Variants in PIAS3 observed in about 807,000 individuals in gnomAD.
The protein encoded by PIAS3 is protein inhibitor of activated STAT 3, also known as E3 SUMO-protein ligase PIAS3.
Under a neutral mutation model 67.6 loss-of-function variants are expected in PIAS3, and 34 were observed. The ratio of observed to expected loss-of-function variants is 0.50; its 90% CI spans 0.38 to 0.67. PIAS3 has a LOEUF of 0.67. Ranked by LOEUF, PIAS3 falls within the 30% of genes least tolerant of loss-of-function variation. PIAS3 has a pLI of 0.00. For missense variants in PIAS3, 693 were observed against 791.6 expected (o/e 0.88, Z 1.49); for synonymous variants, 341 against 313.8 (o/e 1.09, Z -0.92).
In PIAS3 at chr1:145,850,546, T is replaced by A; in HGVS notation, c.1489A>T (p.Ser497Cys). Residue 497 changes from serine (S) to cysteine (C), a missense_variant, in exon 12 of 14, where the codon AGC (serine) becomes TGC (cysteine). Ser to Cys is a moderately radical substitution (Grantham distance 112, BLOSUM62 -1). Transcript: ENST00000393045. ...CCACCCAACGTGCCCATAGCAGGGC[T>A]CCTTAGCACCGAGGATGGCTGGTGG... is the stretch of plus-strand genomic sequence containing the variant. ...SGHQPSSVLR[S>C]PAMGTLGGDF... The A allele has an allele frequency of 6.2e-7, 1 of 1,614,174 alleles. No individual in the cohort carries two copies. Among genetic ancestry groups the A allele is most frequent in the Non-Finnish European group, 8.5e-7 (1 of 1,180,028 alleles).
intron 5 of PIAS3, among the ~76,000 whole-genome samples, chr1:145,855,137 T>G (rs1014587137): frequency 6.6e-6 from 1 of 152,158 alleles, no homozygotes; most frequent in Admixed American, 6.5e-5. Context: ...ACTGAGTCCC[T>G]GAGGAGGAGG....
In PIAS3 at chr1:145,856,741, G is replaced by A. The variant is rs782702257; in HGVS notation, c.290C>T (p.Pro97Leu). 3.5e-5 allele frequency: 56 copies of A among 1,613,962 alleles called. No homozygotes were observed. Among genetic ancestry groups the A allele is most frequent in the Admixed American group, 3.3e-5 (2 of 59,996 alleles). ...VGSPGPLAPI[P>L]PTLLAPGTLL... ...GGTGCCAGGGGCCAACAGCGTTGGG[G>A]GAATGGGAGCTAGAGGACCAGGGGA... The change falls in exon 2 of 14, where the codon CCC becomes CTC. Residue 97 changes from proline to leucine, a missense_variant. Pro to Leu is a moderately conservative substitution (Grantham distance 98). Coordinates refer to ENST00000393045, the MANE Select transcript of PIAS3 (RefSeq NM_006099.3).
intron 10 of PIAS3, 36 bp downstream of exon 10, chr1:145,850,984 A>C (rs782721487): frequency 1.9e-6 from 3 of 1,614,140 alleles, no homozygotes; most frequent in Non-Finnish European, 2.5e-6. Context: ...AGGCCATCCA[A>C]GATTTAGCTT....
intron 1 of PIAS3, among the ~76,000 whole-genome samples, chr1:145,857,641 C>A (rs918748034): frequency 6.6e-6 from 1 of 152,200 alleles, no homozygotes; most frequent in Admixed American, 6.5e-5. Context: ...CAGATCCTTT[C>A]TTGGAATCGT....
chr1:145,852,553 C>A (rs201255416), intron 9 of PIAS3, among the ~76,000 whole-genome samples: 1 of 138,146 alleles, frequency 7.2e-6, no homozygotes, highest in Non-Finnish European at 1.6e-5. Context: ...TTTTTTTTTT[C>A]TTTTTTTTTT....
chr1:145,851,394 G>A (rs1044236950), intron 9 of PIAS3: 7 of 458,472 alleles, frequency 1.5e-5, no homozygotes, highest in Non-Finnish European at 2.8e-5. Context: ...AGTGGCTCAC[G>A]CCTTTAATCC....
rs1553733674 is a variant in PIAS3 at position 145,849,703 on chromosome 1, G to A, written c.1630C>T (p.Pro544Ser). Residue 544 changes from proline to serine, a missense_variant, in exon 14 of 14, where the codon CCC (proline) becomes TCC (serine). Pro to Ser is a moderately conservative substitution (Grantham distance 74, BLOSUM62 -1). This residue lies in a region of PIAS3 where 270 missense variants were observed against 261.0 expected (regional missense o/e 1.03). Transcript: ENST00000393045. ...TCATCTAGTGAGGTGATGACAGAGG[G>A]GCCATAGTGCTAGGAAGAATCAAGG... The part of the protein sequence containing the change: ...FLQTESQHYG[P>S]SVITSLDEQD... 1.9e-6 allele frequency: 3 copies of A among 1,600,432 alleles called. No homozygotes were observed. The highest frequency in any genetic ancestry group is 1.7e-4 in the Middle Eastern group (1 of 5,988).
Position 145,856,949 on chromosome 1 carries a change from G to A in PIAS3, c.82C>T (p.Arg28Trp), listed in dbSNP as rs142721064. The change falls in exon 2 of 14, where the codon CGG becomes TGG. Residue 28 changes from arginine to tryptophan, a missense_variant. Physicochemically the swap from Arg to Trp is moderately radical, Grantham distance 101. Coordinates refer to ENST00000393045, the MANE Select transcript of PIAS3 (RefSeq NM_006099.3). Reference sequence around the variant, plus strand: ...TCGTGCTTCCGTCCACTCTTGTTCCGGCCAGCAAAGCCAAGAAGCACCTGG... The same window carrying A: ...TCGTGCTTCCGTCCACTCTTGTTCCAGCCAGCAAAGCCAAGAAGCACCTGG... The part of the protein sequence containing the change: ...ELQVLLGFAG[R>W]NKSGRKHELL... 7.4e-5 allele frequency: 120 copies of A among 1,613,978 alleles called. No individual in the cohort carries two copies. The highest frequency in any genetic ancestry group is 8.6e-5 in the Non-Finnish European group (102 of 1,179,988).
rs1043698388 is a variant in PIAS3 at position 145,851,135 on chromosome 1, A to G, written c.1164T>C (p.Leu388=). Residue 388 remains leucine (L), a synonymous_variant, in exon 10 of 14, where the codon CTT becomes CTC. Coordinates refer to ENST00000393045, the MANE Select transcript of PIAS3 (RefSeq NM_006099.3). The part of the protein sequence containing the change: ...LIIDGLFMEI[L]SSCSDCDEIQ... ...TCTCATCACAATCTGAACAGGAACT[A>G]AGAATCTCCATAAATAAACTGGGGG... 1 of 1,614,168 alleles carries G rather than the reference A, an allele frequency of 6.2e-7. No homozygotes were observed. Among genetic ancestry groups the G allele is most frequent in the Non-Finnish European group, 8.5e-7 (1 of 1,179,990 alleles).
In PIAS3 at chr1:145,849,615, A is replaced by C. The variant is rs200360416; in HGVS notation, c.1718T>G (p.Leu573Arg). 1 of 1,613,434 alleles carries C rather than the reference A, an allele frequency of 6.2e-7. No homozygotes were observed. The highest frequency in any genetic ancestry group is 2.2e-5 in the East Asian group (1 of 44,812). Reference protein sequence around the residue: ...RGTPSHFLGPLAPTLGSSHCS... With the variant: ...RGTPSHFLGPRAPTLGSSHCS... ...GTGGGAGCTCCCCAGCGTGGGGGCC[A>C]GTGGGCCCAGAAAGTGAGAAGGGGT... The change falls in exon 14 of 14, where the codon CTG becomes CGG. Residue 573 changes from leucine (L) to arginine (R), a missense_variant. Transcript: ENST00000393045.
intron 9 of PIAS3, among the ~76,000 whole-genome samples, chr1:145,851,911 G>T (rs1652978870): frequency 1.4e-5 from 2 of 147,788 alleles, no homozygotes; most frequent in South Asian, 2.1e-4. Context: ...GAGATCACGA[G>T]ACTGTGCCAT....
At chr1:145,855,956 G>T in intron 4 of PIAS3, 112 bp downstream of exon 4, 1 of 1,057,738 alleles carries the variant, frequency 9.5e-7, no homozygotes, top group Non-Finnish European at 1.5e-6. Flanking sequence ...AGAGTCGCAG[G>T]GCTGCAGTAG....
intron 2 of PIAS3, 62 bp from the exon 3 acceptor site, chr1:145,856,493 C>G (rs782140788): frequency 1.3e-6 from 2 of 1,598,450 alleles, no homozygotes; most frequent in Non-Finnish European, 1.7e-6. Flanking sequence ...AAATCGCCCC[C>G]ATCCCAGGTC....
intron 1 of PIAS3, among the ~76,000 whole-genome samples, chr1:145,858,703 C>A (rs1215252273): frequency 6.7e-6 from 1 of 150,322 alleles, no homozygotes; most frequent in South Asian, 2.1e-4. Context: ...CGACTTCTAC[C>A]CCTCGTCCCC....
rs1653096306 is a variant in PIAS3 at position 145,854,796 on chromosome 1, C to G, written c.754G>C (p.Ala252Pro). 8 of 1,614,190 alleles carry G rather than the reference C, an allele frequency of 5.0e-6. No individual in the cohort carries two copies. In the East Asian group the frequency reaches 1.8e-4, roughly 36 times the overall value. ...INITPLARLS[A>P]TVPNTIVVNW... Reference sequence around the variant, plus strand: ...ACCACAATGGTGTTGGGAACAGTGGCTGAGAGTCGAGCCAGGGGTGTGATG... The same window carrying G: ...ACCACAATGGTGTTGGGAACAGTGGGTGAGAGTCGAGCCAGGGGTGTGATG... The change falls in exon 6 of 14, where the codon GCC becomes CCC. Residue 252 changes from alanine (A) to proline (P), a missense_variant. Ala to Pro is a conservative substitution (Grantham distance 27). Transcript: ENST00000393045.
At chr1:145,856,010 C>T in intron 4 of PIAS3, 58 bp downstream of exon 4, 3 of 1,382,004 alleles carry the variant, frequency 2.2e-6, no homozygotes, top group Non-Finnish European at 3.1e-6. Context: ...TCTGTCATAC[C>T]CCTACTTCAC....
rs1163888943 is a variant in PIAS3 at position 145,856,899 on chromosome 1, G to A, written c.132C>T (p.Leu44=). The A allele has an allele frequency of 1.9e-6, 3 of 1,614,046 alleles. No homozygotes were observed. The highest frequency in any genetic ancestry group is 2.5e-6 in the Non-Finnish European group (3 of 1,180,024). Residue 44 remains leucine, a synonymous_variant, in exon 2 of 14, where the codon CTC becomes CTT. Transcript: ENST00000393045. ...CACTAGGGGCACAGCTGGACTTCAG[G>A]AGGTGCAGAGCCTTGGCCAGGAGCT... The part of the protein sequence containing the change: ...KHELLAKALH[L]LKSSCAPSVQ...
intron 4 of PIAS3, 28 bp downstream of exon 4, chr1:145,856,040 C>T (rs1653163276): frequency 6.2e-7 from 1 of 1,601,250 alleles, no homozygotes; most frequent in Non-Finnish European, 8.6e-7. Flanking sequence ...CAGTGGGTAC[C>T]CAGGATAGGC....
chr1:145,851,348 T>C (rs988240530), intron 9 of PIAS3, 195 bp from the exon 10 acceptor site: 16 of 620,656 alleles, frequency 2.6e-5, no homozygotes, highest in Admixed American at 2.1e-4. Flanking sequence ...AAGTAAGTAA[T>C]AGGTTTTAAA....
Sources: gnomAD v4.1 joint callset for allele counts (sites outside exome capture counted in the v4.1 genomes callset) on GRCh38, gnomAD v4.1.1 for gene constraint, gnomAD v4.1.1 regional missense constraint, MANE v1.5 for transcripts, NCBI Gene and HGNC (gene_info 2026-07-23, HGNC 2026-07-21) for gene names.